The following GSTO2 variants were observed in gnomAD, a reference collection of about 807,000 sequenced individuals.
GSTO2 encodes glutathione S-transferase omega-2.
A neutral mutation model predicts 28.4 loss-of-function variants in GSTO2; 23 were observed. That is an observed-to-expected ratio of 0.81 (90% CI 0.58 to 1.15). The LOEUF is 1.15. GSTO2 is among the 50% of genes most tolerant of loss of function. The probability of loss-of-function intolerance (pLI) is 0.00; values close to 1 mark genes in which losing one functional copy is unlikely to be tolerated. For synonymous variants in GSTO2, 109 were observed against 111.0 expected (o/e 0.98, Z 0.11); for missense variants, 298 against 297.8 (o/e 1.00, Z 0.00).
At chr10:104,275,159 C>T in intron 2 of GSTO2, 67 bp from the exon 3 acceptor site, 1 of 1,543,346 alleles carries the variant, frequency 6.5e-7, no homozygotes, top group South Asian at 1.2e-5. Flanking sequence ...GGCAAGTGAG[C>T]GAGCTCCTTC....
chr10:104,284,018 GT>G (rs202161194), intron 5 of GSTO2, among the ~76,000 whole-genome samples: 10,762 of 133,522 alleles, frequency 0.081, 836 homozygotes, highest in African/African-American at 0.22. Context: ...AACTTTTTAA[GT>G]TTTTTTTTTT....
rs1250164773 is a variant in GSTO2 at position 104,300,480 on chromosome 10, T to C, written c.*1196T>C. 6.6e-6 allele frequency: 1 copy of C among 152,288 alleles called. No individual in the cohort carries two copies. The highest frequency in any genetic ancestry group is 1.9e-4 in the East Asian group (1 of 5,190). The allele number at this position is 152,288 out of a possible 1,614,324, so 9.4% of individuals were successfully genotyped here. ...TTGGTTGAGGTTTTAAACCTAGCGC[T>C]TTGGAGCTGCTTGTCTGTTGTAGGG... On this transcript the variant is annotated 3_prime_UTR_variant, in exon 7 of 7. Coordinates refer to ENST00000338595, the MANE Select transcript of GSTO2 (RefSeq NM_183239.2).
At chr10:104,282,370 T>C (rs931819653) in intron 5 of GSTO2, among the ~76,000 whole-genome samples, 3 of 151,562 alleles carry the variant, frequency 2.0e-5, no homozygotes, top group Admixed American at 6.6e-5. Context: ...CTGGTCAACA[T>C]GGCAAACCTC....
chr10:104,280,381 T>C (rs918546900), intron 5 of GSTO2, among the ~76,000 whole-genome samples: 1 of 151,992 alleles, frequency 6.6e-6, no homozygotes, highest in Admixed American at 6.6e-5. Context: ...AAAAGGAGAA[T>C]ATAAAGAAAA....
intron 3 of GSTO2, among the ~76,000 whole-genome samples, chr10:104,277,358 A>AG (rs1435180020): frequency 8.0e-5 from 12 of 150,596 alleles, no homozygotes; most frequent in Non-Finnish European, 4.4e-5. Flanking sequence ...ATCTCAGCTC[A>AG]CTGCAACCTC....
intron 5 of GSTO2, among the ~76,000 whole-genome samples, 156 bp downstream of exon 5, chr10:104,279,627 A>T (rs1362031655): frequency 6.6e-6 from 1 of 152,178 alleles, no homozygotes; most frequent in Non-Finnish European, 1.5e-5. Flanking sequence ...GCCCTCCTCT[A>T]ACCTGGTCTA....
intron 3 of GSTO2, 61 bp from the exon 4 acceptor site, chr10:104,277,833 A>G (rs1012548183): frequency 9.1e-7 from 1 of 1,103,096 alleles, no homozygotes; most frequent in African/African-American, 1.6e-5. Flanking sequence ...TTTCAAGAAG[A>G]GTGCCTGCCT....
chr10:104,279,766 T>A (rs2011906197), intron 5 of GSTO2, among the ~76,000 whole-genome samples: 1 of 152,142 alleles, frequency 6.6e-6, no homozygotes, highest in Non-Finnish European at 1.5e-5. Context: ...GAGGTCAAGG[T>A]CTGTAAAGGT....
intron 5 of GSTO2, chr10:104,288,445 A>C (rs1045018289): frequency 1.3e-5 from 2 of 152,242 alleles, no homozygotes; most frequent in Non-Finnish European, 2.9e-5. Flanking sequence ...GTATTTCACT[A>C]AATTGCTTCC....
At position 104,302,747 on chromosome 10, in the gene GSTO2, A is replaced by C. The variant is rs748340008; in HGVS notation, c.*3463A>C. 1 of 152,120 alleles carries C rather than the reference A, an allele frequency of 6.6e-6. No individual in the cohort carries two copies. Among genetic ancestry groups the C allele is most frequent in the Non-Finnish European group, 1.5e-5 (1 of 68,028 alleles). The allele number at this position is 152,120 out of a possible 1,614,324, so 9.4% of individuals were successfully genotyped here. A position where few individuals can be genotyped will look rare whatever the true frequency, so the allele number is the denominator to read the frequency against. On this transcript the variant is annotated 3_prime_UTR_variant, in exon 7 of 7. Transcript: ENST00000338595. ...GGTGCTGTTCTCATGATAGTGAGTGAGTTCTCATGAGTTCTGGTTGTTTAA... is the reference window on the plus strand; with the variant it reads ...GGTGCTGTTCTCATGATAGTGAGTGCGTTCTCATGAGTTCTGGTTGTTTAA...
chr10:104,284,548 G>A (rs1013155121), intron 5 of GSTO2, among the ~76,000 whole-genome samples: 1 of 152,050 alleles, frequency 6.6e-6, no homozygotes, highest in Non-Finnish European at 1.5e-5. Context: ...TATGACACTT[G>A]TCTTGTCTTG....
rs1427918863 is a variant in GSTO2 at position 104,304,472 on chromosome 10, C to A, written c.*5188C>A. The A allele has an allele frequency of 2.0e-5, 3 of 152,202 alleles. No homozygotes were observed. The highest frequency in any genetic ancestry group is 6.5e-5 in the Admixed American group (1 of 15,286). The allele number at this position is 152,202 out of a possible 1,614,324, so 9.4% of individuals were successfully genotyped here. A position where few individuals can be genotyped will look rare whatever the true frequency, so the allele number is the denominator to read the frequency against. ...AGGGCTTCAAGGTTAGCACTGGGATCAAATTCCGACTTTGCAACTTAACTT... is the reference window on the plus strand; with the variant it reads ...AGGGCTTCAAGGTTAGCACTGGGATAAAATTCCGACTTTGCAACTTAACTT... On this transcript the variant is annotated 3_prime_UTR_variant, in exon 7 of 7. Coordinates refer to ENST00000338595, the MANE Select transcript of GSTO2 (RefSeq NM_183239.2).
At chr10:104,278,706 C>G (rs1388941172) in intron 4 of GSTO2, among the ~76,000 whole-genome samples, 1 of 152,192 alleles carries the variant, frequency 6.6e-6, no homozygotes, top group Non-Finnish European at 1.5e-5. Flanking sequence ...GTCTTGAACT[C>G]CTGACCTCAA....
At chr10:104,299,041 A>G (rs1213231387) in intron 6 of GSTO2, 87 bp from the exon 7 acceptor site, 1 of 1,224,128 alleles carries the variant, frequency 8.2e-7, no homozygotes, top group East Asian at 2.5e-5. Context: ...CTCATTCTTC[A>G]TATCTTGCAA....
Position 104,275,763 on chromosome 10 carries a change from C to T in GSTO2, c.143+429C>T, listed in dbSNP as rs566133342. ...TCTTATTTGTTCATCCATCTCCCCT[C>T]CCCAGTCCCCTTCACCCATGTGCGT... On this transcript the variant is annotated intron_variant, in intron 3 of 6. Coordinates refer to ENST00000338595, the MANE Select transcript of GSTO2 (RefSeq NM_183239.2). Among the ~76,000 whole-genome samples, 5 of 152,308 alleles carry T rather than the reference C, an allele frequency of 3.3e-5. No homozygotes were observed. In the South Asian group the frequency reaches 1.0e-3, roughly 32 times the overall value.
intron 5 of GSTO2, among the ~76,000 whole-genome samples, chr10:104,291,095 A>G (rs1439336875): frequency 6.6e-6 from 1 of 152,206 alleles, no homozygotes; most frequent in Non-Finnish European, 1.5e-5. Context: ...CTTCTGGAAA[A>G]GGGCCAGTAT....
chr10:104,304,411 T>C lies in GSTO2; in HGVS notation c.*5127T>C, dbSNP rs1379580423. The C allele has an allele frequency of 2.6e-5, 4 of 152,204 alleles. No individual in the cohort carries two copies. Among genetic ancestry groups the C allele is most frequent in the African/African-American group, 7.2e-5 (3 of 41,448 alleles). 9.4% of individuals were successfully genotyped at this position (152,204 alleles called of 1,614,324 possible). ...AAGTTCAGATCAAAATTCTTCTTTATGTAAAGAGAAGTGGCGTGCCATAGG... is the reference window on the plus strand; with the variant it reads ...AAGTTCAGATCAAAATTCTTCTTTACGTAAAGAGAAGTGGCGTGCCATAGG... On this transcript the variant is annotated 3_prime_UTR_variant, in exon 7 of 7. Coordinates refer to ENST00000338595, the MANE Select transcript of GSTO2 (RefSeq NM_183239.2).
chr10:104,299,423 T>G lies in GSTO2; in HGVS notation c.*139T>G, dbSNP rs1589879626. ...AAAATGAAAACAGGAAATGTATTCT[T>G]CTGATAATCATTTGTCTGACTCCTC... On this transcript the variant is annotated 3_prime_UTR_variant, in exon 7 of 7. Transcript: ENST00000338595. The G allele has an allele frequency of 3.0e-6, 3 of 991,500 alleles. No individual in the cohort carries two copies. In the East Asian group the frequency reaches 7.4e-5, roughly 25 times the overall value. 61.4% of individuals were successfully genotyped at this position (991,500 alleles called of 1,614,324 possible). A position where few individuals can be genotyped will look rare whatever the true frequency, so the allele number is the denominator to read the frequency against.
rs968537246 is a variant in GSTO2 at position 104,269,270 on chromosome 10, G to T, written c.-232+1G>T. 3 of 152,326 alleles carry T rather than the reference G, an allele frequency of 2.0e-5. No homozygotes were observed. Among genetic ancestry groups the T allele is most frequent in the Non-Finnish European group, 2.9e-5 (2 of 68,116 alleles). 9.4% of individuals were successfully genotyped at this position (152,326 alleles called of 1,614,324 possible). On this transcript the variant is annotated splice_donor_variant, in intron 1 of 6. Coordinates refer to ENST00000338595, the MANE Select transcript of GSTO2 (RefSeq NM_183239.2). LOFTEE classifies it low-confidence loss of function (5UTR_SPLICE). ...CGCGGGACCTCTCTCACCGCCACCGGTGGGTCCGTTCGGCCTGCGTTGTAT... is the reference window on the plus strand; with the variant it reads ...CGCGGGACCTCTCTCACCGCCACCGTTGGGTCCGTTCGGCCTGCGTTGTAT...
Sources: gnomAD v4.1 joint callset for allele counts (sites outside exome capture counted in the v4.1 genomes callset) on GRCh38, gnomAD v4.1.1 for gene constraint, MANE v1.5 for transcripts, NCBI Gene and HGNC (gene_info 2026-07-23, HGNC 2026-07-21) for gene names.